Variants in NR2C1 observed in about 807,000 individuals in gnomAD.
NR2C1 encodes the protein TR2 nuclear hormone receptor.
In NR2C1, 33 loss-of-function variants were observed where a neutral mutation model predicts 74.8. That is an observed-to-expected ratio of 0.44 (90% CI 0.33 to 0.59). The LOEUF (loss-of-function observed/expected upper bound fraction) is 0.59, where lower values mean the gene tolerates loss of function less well. Ranked by LOEUF, NR2C1 falls within the 20% of genes least tolerant of loss-of-function variation. NR2C1 has a pLI of 0.02. For synonymous variants in NR2C1, 225 were observed against 240.6 expected, an observed-to-expected ratio of 0.94 and a Z score of 0.60; for missense variants, 568 against 715.6, an observed-to-expected ratio of 0.79 and a Z score of 2.35.
chr12:95,030,624 C>T (rs776473935), intron 11 of NR2C1: 16 of 1,612,802 alleles, frequency 9.9e-6, no homozygotes, highest in Non-Finnish European at 1.2e-5. Flanking sequence ...GGTGATTACC[C>T]CTCTGCTGTT....
At chr12:95,062,268 G>A (rs1874893139) in intron 3 of NR2C1, among the ~76,000 whole-genome samples, 1 of 152,142 alleles carries the variant, frequency 6.6e-6, no homozygotes, top group Non-Finnish European at 1.5e-5. Flanking sequence ...TGTTGTCCTG[G>A]CTACAATAGC....
intron 8 of NR2C1, 56 bp from the exon 9 acceptor site, chr12:95,049,289 A>G (rs1872681833): frequency 6.5e-6 from 10 of 1,528,806 alleles, no homozygotes; most frequent in Non-Finnish European, 8.0e-6. Context: ...TAAAATAACA[A>G]TTCTACATAG....
chr12:95,051,666 T>TG, intron 8 of NR2C1, 96 bp downstream of exon 8: 1 of 1,122,876 alleles, frequency 8.9e-7, no homozygotes, highest in Non-Finnish European at 1.2e-6. Context: ...ATTTGTTTTC[T>TG]GAAACTTTTA....
intron 8 of NR2C1, 163 bp from the exon 9 acceptor site, chr12:95,049,396 A>G (rs1321755088): frequency 3.6e-6 from 2 of 557,616 alleles, no homozygotes; most frequent in South Asian, 3.4e-5. Context: ...CTGGGATTAC[A>G]GGTATAAGCC....
At chr12:95,030,979 G>T in intron 11 of NR2C1, 1 of 901,904 alleles carries the variant, frequency 1.1e-6, no homozygotes, top group Non-Finnish European at 1.7e-6. Flanking sequence ...CCTATCTTAG[G>T]ATTCAAAGGG....
chr12:95,053,292 G>GT (rs1873301070), intron 7 of NR2C1, among the ~76,000 whole-genome samples: 1 of 151,846 alleles, frequency 6.6e-6, no homozygotes, highest in Non-Finnish European at 1.5e-5. Flanking sequence ...TTTTTTTAAT[G>GT]TTTGTTGAAA....
chr12:95,067,296 GGTGGGCCA>G, intron 2 of NR2C1, 27 bp downstream of exon 2: 1 of 1,573,016 alleles, frequency 6.4e-7, no homozygotes, highest in Non-Finnish European at 8.7e-7. Flanking sequence ...AGAAAAGTTT[GGTGGGCCA>G]GTGCATCAAC....
intron 4 of NR2C1, among the ~76,000 whole-genome samples, chr12:95,059,564 T>G (rs184898319): frequency 6.6e-6 from 1 of 150,982 alleles, no homozygotes; most frequent in Non-Finnish European, 1.5e-5. Context: ...ATACAAAAAT[T>G]AGCCATGCGT....
intron 9 of NR2C1, among the ~76,000 whole-genome samples, chr12:95,048,413 A>G (rs1872571451): frequency 1.3e-5 from 2 of 152,244 alleles, no homozygotes; most frequent in South Asian, 4.1e-4. Flanking sequence ...AAAGTTTAAC[A>G]AAATGTGCTG....
At chr12:95,061,384 G>T (rs1035295212) in intron 3 of NR2C1, among the ~76,000 whole-genome samples, 4 of 152,128 alleles carry the variant, frequency 2.6e-5, no homozygotes, top group African/African-American at 9.7e-5. Flanking sequence ...GTGTATTTAC[G>T]GGGGAGTAAT....
intron 11 of NR2C1, 90 bp from the exon 12 acceptor site, chr12:95,028,614 A>G: frequency 1.0e-6 from 1 of 996,110 alleles, no homozygotes; most frequent in Non-Finnish European, 1.5e-6. Flanking sequence ...GGAATTTTGA[A>G]AAATTTTTTA....
chr12:95,050,964 T>C (rs1233006675), intron 8 of NR2C1, among the ~76,000 whole-genome samples: 1 of 152,188 alleles, frequency 6.6e-6, no homozygotes, highest in Non-Finnish European at 1.5e-5. Context: ...TGTTTCGCTC[T>C]CCATACACAT....
In NR2C1 at chr12:95,063,077, C is replaced by G. The variant is rs1002032945; in HGVS notation, c.55-339G>C. ...AAACAAAACTTTTGCCTTCATGAAG[C>G]TTTTATTTTAGTGGGGAAAGACAGA... On this transcript the variant is annotated intron_variant, in intron 2 of 13. Transcript: ENST00000333003. Among the ~76,000 whole-genome samples, 69 of 152,232 alleles carry G rather than the reference C, an allele frequency of 4.5e-4. 1 individual carries two copies. Among genetic ancestry groups the G allele is most frequent in the African/African-American group, 1.6e-3 (65 of 41,548 alleles).
At chr12:95,061,284 T>C (rs905482319) in intron 3 of NR2C1, among the ~76,000 whole-genome samples, 2 of 152,148 alleles carry the variant, frequency 1.3e-5, no homozygotes, top group Admixed American at 6.6e-5. Flanking sequence ...CTAAGGAAAG[T>C]CTAAACACCT....
intron 11 of NR2C1, among the ~76,000 whole-genome samples, chr12:95,029,284 T>C (rs971706506): frequency 1.1e-4 from 17 of 152,054 alleles, no homozygotes; most frequent in African/African-American, 4.1e-4. Context: ...TTTCACCATG[T>C]TGGCCAGGCT....
chr12:95,064,020 T>G (rs1592790561), intron 2 of NR2C1, among the ~76,000 whole-genome samples: 1 of 85,710 alleles, frequency 1.2e-5, no homozygotes, highest in African/African-American at 4.6e-5. Context: ...CAGAGGACTC[T>G]GCCTCAAAAA....
intron 1 of NR2C1, among the ~76,000 whole-genome samples, chr12:95,067,783 A>C (rs1181104024): frequency 6.6e-6 from 1 of 151,652 alleles, no homozygotes; most frequent in Non-Finnish European, 1.5e-5. Context: ...GGCTGGCCTC[A>C]AACTCCTGGG....
rs756229136 is a variant in NR2C1 at position 95,073,367 on chromosome 12, C to T, written c.-8+13G>A. On this transcript the variant is annotated intron_variant, in intron 1 of 13. Coordinates refer to ENST00000333003, the MANE Select transcript of NR2C1 (RefSeq NM_003297.4). ...CGACGCGGTCGCTGGTGTCCCCACC[C>T]AGCGTTTCTTACCGGCGCTTTTGCG... 1 of 152,266 alleles carries T rather than the reference C, an allele frequency of 6.6e-6. No homozygotes were observed. Among genetic ancestry groups the T allele is most frequent in the African/African-American group, 2.4e-5 (1 of 41,470 alleles). The allele number at this position is 152,266 out of a possible 1,614,324, so 9.4% of individuals were successfully genotyped here.
At position 95,071,070 on chromosome 12, in the gene NR2C1, C is replaced by T. The variant is rs1401090257; in HGVS notation, c.-8+2310G>A. Among the ~76,000 whole-genome samples the T allele has an allele frequency of 3.3e-5, 5 of 152,054 alleles. No individual in the cohort carries two copies. In the East Asian group the frequency reaches 7.7e-4, roughly 23 times the overall value. On this transcript the variant is annotated intron_variant, in intron 1 of 13. Transcript: ENST00000333003. Reference sequence around the variant, plus strand: ...CAAAAATTTAGCCGGGTGTGGTGGACGGCGCCTGTGATCCCAGCTATGCAG... The same window carrying T: ...CAAAAATTTAGCCGGGTGTGGTGGATGGCGCCTGTGATCCCAGCTATGCAG...
Sources: gnomAD v4.1 joint callset for allele counts (sites outside exome capture counted in the v4.1 genomes callset) on GRCh38, gnomAD v4.1.1 for gene constraint, MANE v1.5 for transcripts, NCBI Gene and HGNC (gene_info 2026-07-23, HGNC 2026-07-21) for gene names.